Variants in LARGE1 observed in about 807,000 individuals in gnomAD.
LARGE1 encodes LARGE xylosyl- and glucuronyltransferase 1, also known as xylosyl- and glucuronyltransferase LARGE1.
In LARGE1, 43 loss-of-function variants were observed where a neutral mutation model predicts 87.6. The observed-to-expected ratio is 0.49, with a 90% CI of 0.38 to 0.63. The LOEUF (loss-of-function observed/expected upper bound fraction) is 0.63. LARGE1 is among the 30% of genes least tolerant of loss of function. The pLI, the probability that LARGE1 is intolerant of heterozygous loss-of-function variation, is 0.00. For synonymous variants in LARGE1, 434 were observed against 394.6 expected, an observed-to-expected ratio of 1.10 and a Z score of -1.18; for missense variants, 802 against 1,000.2, an observed-to-expected ratio of 0.80 and a Z score of 2.67.
chr22:33,550,170 CACACACAT>C (rs1178185050), intron 6 of LARGE1, among the ~76,000 whole-genome samples: 154 of 144,858 alleles, frequency 1.1e-3, no homozygotes, highest in East Asian at 9.7e-3. Context: ...CACACACACA[CACACACAT>C]ATATATATAT....
At chr22:33,539,140 G>A (rs903567272) in intron 6 of LARGE1, among the ~76,000 whole-genome samples, 1 of 151,964 alleles carries the variant, frequency 6.6e-6, no homozygotes, top group African/African-American at 2.4e-5. Context: ...TATGTCTTTT[G>A]GATTGTGATG....
chr22:33,832,185 C>A (rs1445297847), intron 1 of LARGE1, among the ~76,000 whole-genome samples: 1 of 152,142 alleles, frequency 6.6e-6, no homozygotes, highest in East Asian at 1.9e-4. Context: ...GTCATAATGA[C>A]CAGATTCCTA....
At chr22:33,902,879 C>T (rs1282990222) in intron 1 of LARGE1, among the ~76,000 whole-genome samples, 3 of 152,164 alleles carry the variant, frequency 2.0e-5, no homozygotes, top group African/African-American at 7.2e-5. Context: ...TGTCTGTAAT[C>T]CCAGCACTTT....
intron 2 of LARGE1, among the ~76,000 whole-genome samples, chr22:33,687,389 T>C (rs1281713917): frequency 6.6e-6 from 1 of 151,936 alleles, no homozygotes; most frequent in Non-Finnish European, 1.5e-5. Context: ...TTGCTGCTTT[T>C]TTTTTTTTTA....
At chr22:33,377,719 T>C (rs188032287) in intron 9 of LARGE1, among the ~76,000 whole-genome samples, 1 of 152,184 alleles carries the variant, frequency 6.6e-6, no homozygotes, top group Non-Finnish European at 1.5e-5. Flanking sequence ...ATGAGACATA[T>C]CCCAATTTCT....
At chr22:33,196,611 A>T (rs1924093803) in intron 11 of LARGE1, among the ~76,000 whole-genome samples, 1 of 148,902 alleles carries the variant, frequency 6.7e-6, no homozygotes, top group Admixed American at 6.6e-5. Flanking sequence ...TTTTCGCAAA[A>T]TAGGGAAGAG....
intron 6 of LARGE1, among the ~76,000 whole-genome samples, chr22:33,554,884 C>T (rs1366758337): frequency 3.3e-5 from 5 of 152,190 alleles, no homozygotes; most frequent in African/African-American, 1.2e-4. Context: ...AGTTATCGGG[C>T]ACCTTCTATG....
At chr22:33,174,681 A>T (rs1264643621) in intron 11 of LARGE1, among the ~76,000 whole-genome samples, 1 of 152,228 alleles carries the variant, frequency 6.6e-6, no homozygotes. Flanking sequence ...TCCCATAGAA[A>T]TGCAAACTAC....
At chr22:33,825,041 G>C (rs868626090) in intron 1 of LARGE1, among the ~76,000 whole-genome samples, 36 of 152,074 alleles carry the variant, frequency 2.4e-4, no homozygotes, top group African/African-American at 8.2e-4. Context: ...TCATCTCCAG[G>C]GACCAGTCTT....
At chr22:33,339,058 G>T (rs967223511) in intron 9 of LARGE1, among the ~76,000 whole-genome samples, 3 of 150,818 alleles carry the variant, frequency 2.0e-5, no homozygotes, top group African/African-American at 7.3e-5. Context: ...TGAGGCAAGA[G>T]AATCACCTGA....
chr22:33,108,278 C>T, the LARGE1 span, among the ~76,000 whole-genome samples: 1 of 152,156 alleles, frequency 6.6e-6, no homozygotes, highest in African/African-American at 2.4e-5. Flanking sequence ...GTATCAAGCA[C>T]TGGAGAAAGA....
chr22:33,218,311 T>C (rs932488667), intron 11 of LARGE1, among the ~76,000 whole-genome samples: 7 of 152,198 alleles, frequency 4.6e-5, no homozygotes, highest in African/African-American at 1.7e-4. Flanking sequence ...ATTCCAACCA[T>C]ATTAAACATC....
chr22:33,580,424 A>T (rs2078482568), intron 5 of LARGE1, among the ~76,000 whole-genome samples: 1 of 152,070 alleles, frequency 6.6e-6, no homozygotes, highest in Admixed American at 6.5e-5. Context: ...TGTCAGCCTG[A>T]AAATGGGATG....
intron 6 of LARGE1, among the ~76,000 whole-genome samples, chr22:33,467,474 A>T (rs1354203810): frequency 6.6e-6 from 1 of 152,152 alleles, no homozygotes; most frequent in Non-Finnish European, 1.5e-5. Context: ...CCTCAAAACG[A>T]CTCAGTTTAA....
chr22:33,576,461 G>A (rs961512262), intron 5 of LARGE1, among the ~76,000 whole-genome samples: 4 of 152,202 alleles, frequency 2.6e-5, no homozygotes, highest in South Asian at 2.1e-4. Context: ...ACAGGAGGTG[G>A]GAGTGAGGGA....
rs1035387636 is a variant in LARGE1 at position 33,274,248 on chromosome 22, G to A, written c.*179C>T. The A allele has an allele frequency of 1.6e-5, 11 of 673,294 alleles. No homozygotes were observed. Among genetic ancestry groups the A allele is most frequent in the African/African-American group, 1.2e-4 (7 of 56,558 alleles). 41.7% of individuals were successfully genotyped at this position (673,294 alleles called of 1,614,324 possible). A position where few individuals can be genotyped will look rare whatever the true frequency, so the allele number is the denominator to read the frequency against. ...GGAATGCAGGGTTGTGGGGCAGAGA[G>A]GGACTGGCTGGATCCTTGTCCAAGG... is the stretch of plus-strand genomic sequence containing the variant. On this transcript the variant is annotated 3_prime_UTR_variant, in exon 15 of 15. Coordinates refer to ENST00000397394, the MANE Select transcript of LARGE1 (RefSeq NM_133642.5).
intron 1 of LARGE1, among the ~76,000 whole-genome samples, chr22:33,797,560 G>A (rs896546782): frequency 5.3e-5 from 8 of 152,162 alleles, no homozygotes; most frequent in African/African-American, 1.9e-4. Flanking sequence ...AGGCAGAGGA[G>A]AAGCACATGG....
At chr22:33,394,097 A>G (rs969876570) in intron 7 of LARGE1, among the ~76,000 whole-genome samples, 23 of 147,706 alleles carry the variant, frequency 1.6e-4, no homozygotes, top group African/African-American at 4.4e-4. Flanking sequence ...AAAAAAAAAA[A>G]AGAGAAGCTA....
At chr22:33,640,414 T>C (rs1449689784) in intron 3 of LARGE1, among the ~76,000 whole-genome samples, 2 of 152,202 alleles carry the variant, frequency 1.3e-5, no homozygotes, top group Non-Finnish European at 2.9e-5. Flanking sequence ...GAAGTTAACA[T>C]GATCAGTAAA....
Sources: allele counts gnomAD v4.1 joint callset (sites outside exome capture counted in the v4.1 genomes callset), GRCh38; gene constraint gnomAD v4.1.1; transcripts MANE v1.5; gene names NCBI Gene and HGNC (gene_info 2026-07-23, HGNC 2026-07-21).